PPP2R3A: variants seen among roughly 807,000 people sequenced by gnomAD.
PPP2R3A encodes the protein serine/threonine-protein phosphatase 2A regulatory subunit B'' subunit alpha.
Under a neutral mutation model 106.9 loss-of-function variants are expected in PPP2R3A, and 80 were observed. That is an observed-to-expected ratio of 0.75 (90% CI 0.62 to 0.90). PPP2R3A has a LOEUF of 0.90. PPP2R3A is among the 40% of genes least tolerant of loss of function. The probability of loss-of-function intolerance (pLI) is 0.00; values close to 1 mark genes in which losing one functional copy is unlikely to be tolerated. For missense variants in PPP2R3A, 1,386 were observed against 1,350.4 expected (o/e 1.03, Z -0.41); for synonymous variants, 483 against 468.3 (o/e 1.03, Z -0.41).
Position 136,120,688 on chromosome 3 carries a change from G to C in PPP2R3A, c.3329+14366G>C, listed in dbSNP as rs143395321. On this transcript the variant is annotated intron_variant, in intron 13 of 13. Transcript: ENST00000264977. ...ATATTCTCAAACTGTGCATTTCACA[G>C]AGGTCTAATATTCAGCATCTATAAG... Among the ~76,000 whole-genome samples, 381 of 152,098 alleles carry C rather than the reference G, an allele frequency of 2.5e-3. 1 individual carries two copies. The highest frequency in any genetic ancestry group is 8.6e-3 in the African/African-American group (355 of 41,484).
intron 7 of PPP2R3A, chr3:136,079,243 A>T: frequency 2.2e-6 from 1 of 446,670 alleles, no homozygotes; most frequent in South Asian, 1.6e-5. Flanking sequence ...GTCAGTGTTG[A>T]TATTTATTGA....
rs61216931 is a variant in PPP2R3A, at chr3:136,008,254, T to C, written c.1995+4761T>C. On this transcript the variant is annotated intron_variant, in intron 2 of 13. Transcript: ENST00000264977. ...CCAGTCATGTCACTGAGGGAAAATG[T>C]TTCTTCCCTGGCTTTGTAGGTGCTC... Among the ~76,000 whole-genome samples, 925 of 152,322 alleles carry C rather than the reference T, an allele frequency of 6.1e-3. 8 individuals carry two copies. The highest frequency in any genetic ancestry group is 0.022 in the African/African-American group (904 of 41,574).
intron 1 of PPP2R3A, among the ~76,000 whole-genome samples, chr3:135,991,518 G>A (rs77307361): frequency 0.024 from 3,592 of 152,256 alleles, 55 homozygotes; most frequent in Non-Finnish European, 0.036. Context: ...ATAGTTCTCA[G>A]AGAAAGCAGT....
At chr3:136,143,163 T>TAA (rs1938946764) in intron 13 of PPP2R3A, among the ~76,000 whole-genome samples, 2 of 152,234 alleles carry the variant, frequency 1.3e-5, no homozygotes, top group South Asian at 4.1e-4. Flanking sequence ...GTAAGCTTTT[T>TAA]AAAAGGTTTA....
At position 136,030,778 on chromosome 3, in the gene PPP2R3A, A is replaced by ATATATATATATATATATG. The variant is rs1206335696; in HGVS notation, c.2262+3683_2262+3684insATATATATATATATGTAT. ...TTCCATCACATATATATATATATAT[A>ATATATATATATATATATG]TATGTATGTATGTATGTATGTATGT... On this transcript the variant is annotated intron_variant, in intron 3 of 13. Coordinates refer to ENST00000264977, the MANE Select transcript of PPP2R3A (RefSeq NM_002718.5). Among the ~76,000 whole-genome samples, 428 of 111,222 alleles carry ATATATATATATATATATG rather than the reference A, an allele frequency of 3.8e-3. 2 individuals carry two copies. The highest frequency in any genetic ancestry group is 6.2e-3 in the Non-Finnish European group (318 of 51,134). The allele number at this position is 111,222 out of a possible 152,430, so 73.0% of individuals were successfully genotyped here.
chr3:136,090,643 A>G lies in PPP2R3A; in HGVS notation c.2903A>G (p.Glu968Gly), dbSNP rs1437328399. The G allele has an allele frequency of 6.2e-7, 1 of 1,613,060 alleles. No individual in the cohort carries two copies. Among genetic ancestry groups the G allele is most frequent in the Admixed American group, 1.7e-5 (1 of 59,996 alleles). The change falls in exon 10 of 14, where the codon GAA (glutamate) becomes GGA (glycine). Residue 968 changes from glutamate (E) to glycine (G), a missense_variant. By Grantham distance (98) the Glu-to-Gly change is moderately conservative. Coordinates refer to ENST00000264977, the MANE Select transcript of PPP2R3A (RefSeq NM_002718.5). ...YADFVWFLIS[E>G]EDKRNPTSIE... ...GATTTTGTTTGGTTTTTGATCTCTG[A>G]AGAAGACAAAAGGAATCCTACCAGG...
At chr3:135,987,290 G>C (rs1052538304) in intron 1 of PPP2R3A, among the ~76,000 whole-genome samples, 1 of 152,140 alleles carries the variant, frequency 6.6e-6, no homozygotes, top group African/African-American at 2.4e-5. Context: ...AACATAACCA[G>C]AGTATCAGTA....
intron 13 of PPP2R3A, among the ~76,000 whole-genome samples, chr3:136,130,168 C>A (rs1938351191): frequency 6.6e-6 from 1 of 152,074 alleles, no homozygotes; most frequent in Non-Finnish European, 1.5e-5. Flanking sequence ...CTGTCCAGGG[C>A]AGTCAGGCAA....
At chr3:136,055,379 G>A in intron 5 of PPP2R3A, 5 of 966,674 alleles carry the variant, frequency 5.2e-6, no homozygotes, top group Non-Finnish European at 8.5e-6. Context: ...TCCACAGGTA[G>A]GACTTCCTCT....
chr3:136,058,575 A>G (rs1205908329), intron 5 of PPP2R3A, among the ~76,000 whole-genome samples: 1 of 152,240 alleles, frequency 6.6e-6, no homozygotes, highest in Non-Finnish European at 1.5e-5. Context: ...TATCACTAAA[A>G]TGGCCATATT....
At chr3:136,045,654 G>T (rs1032179588) in intron 4 of PPP2R3A, among the ~76,000 whole-genome samples, 30 of 152,140 alleles carry the variant, frequency 2.0e-4, no homozygotes, top group African/African-American at 7.0e-4. Flanking sequence ...AAAAAACCTA[G>T]GCTGTGGGCA....
Position 136,003,234 on chromosome 3 carries a change from A to C in PPP2R3A, c.1736A>C (p.Asn579Thr). 1 of 1,613,976 alleles carries C rather than the reference A, an allele frequency of 6.2e-7. No individual in the cohort carries two copies. Among genetic ancestry groups the C allele is most frequent in the Non-Finnish European group, 8.5e-7 (1 of 1,179,900 alleles). Reference protein sequence around the residue: ...PSCLTRIIETNGHKIEEEDRA... With the variant: ...PSCLTRIIETTGHKIEEEDRA... ...TGTCTAACAAGGATTATTGAAACCA[A>C]TGGACACAAAATAGAGGAAGAGGAT... Residue 579 changes from asparagine (N) to threonine (T), a missense_variant, in exon 2 of 14, where the codon AAT (asparagine) becomes ACT (threonine). Physicochemically the swap from Asn to Thr is moderately conservative, Grantham distance 65. Coordinates refer to ENST00000264977, the MANE Select transcript of PPP2R3A (RefSeq NM_002718.5).
At position 136,120,973 on chromosome 3, in the gene PPP2R3A, A is replaced by G. The variant is rs181274873; in HGVS notation, c.3329+14651A>G. On this transcript the variant is annotated intron_variant, in intron 13 of 13. Coordinates refer to ENST00000264977, the MANE Select transcript of PPP2R3A (RefSeq NM_002718.5). Reference sequence around the variant, plus strand: ...TCCAGAGAAAAGGGAATGCACATACACTGCTGGTGGATGGGAATGTAAATT... The same window carrying G: ...TCCAGAGAAAAGGGAATGCACATACGCTGCTGGTGGATGGGAATGTAAATT... Among the ~76,000 whole-genome samples, 27 of 152,320 alleles carry G rather than the reference A, an allele frequency of 1.8e-4. No homozygotes were observed. In the East Asian group the frequency reaches 5.2e-3, roughly 29 times the overall value.
chr3:136,058,367 T>G (rs928541281), intron 5 of PPP2R3A, among the ~76,000 whole-genome samples: 1 of 151,986 alleles, frequency 6.6e-6, no homozygotes, highest in Non-Finnish European at 1.5e-5. Flanking sequence ...CATTCTTGTA[T>G]GCCAAAAACA....
intron 7 of PPP2R3A, 101 bp downstream of exon 7, chr3:136,078,554 A>G (rs1029235607): frequency 5.4e-6 from 4 of 740,734 alleles, no homozygotes; most frequent in Admixed American, 2.7e-5. Context: ...AAGCACTGTC[A>G]CTACTTTCAG....
At chr3:136,119,597 C>T (rs1559931142) in intron 13 of PPP2R3A, among the ~76,000 whole-genome samples, 1 of 152,126 alleles carries the variant, frequency 6.6e-6, no homozygotes, top group African/African-American at 2.4e-5. Flanking sequence ...AGCCAACAAA[C>T]ATATGAAAAA....
chr3:136,059,941 G>C lies in PPP2R3A; in HGVS notation c.2470-10537G>C, dbSNP rs530648424. Among the ~76,000 whole-genome samples the C allele has an allele frequency of 3.9e-5, 6 of 152,256 alleles. No individual in the cohort carries two copies. The East Asian group carries it at 1.2e-3, about 29-fold the overall frequency. ...GGGAGCTAAATGATGAGAACACATG[G>C]ACACATAGAGGGAAACAACAGACAC... On this transcript the variant is annotated intron_variant, in intron 5 of 13. Coordinates refer to ENST00000264977, the MANE Select transcript of PPP2R3A (RefSeq NM_002718.5).
chr3:136,051,074 C>CT (rs1935669153), intron 5 of PPP2R3A, among the ~76,000 whole-genome samples: 1 of 152,180 alleles, frequency 6.6e-6, no homozygotes, highest in African/African-American at 2.4e-5. Context: ...CCTGTTTCTA[C>CT]TATAGCATTC....
chr3:136,041,523 A>G (rs905131082), intron 4 of PPP2R3A, among the ~76,000 whole-genome samples: 1 of 152,146 alleles, frequency 6.6e-6, no homozygotes, highest in African/African-American at 2.4e-5. Context: ...TGCTGAGATT[A>G]TAGGTGTGAA....
Sources: gnomAD v4.1 joint callset for allele counts (sites outside exome capture counted in the v4.1 genomes callset) on GRCh38, gnomAD v4.1.1 for gene constraint, MANE v1.5 for transcripts, NCBI Gene and HGNC (gene_info 2026-07-23, HGNC 2026-07-21) for gene names.